NRXN3: variants seen among roughly 807,000 people sequenced by gnomAD.
NRXN3 encodes the protein neurexin III.
A neutral mutation model predicts 137.6 loss-of-function variants in NRXN3; 32 were observed. The observed-to-expected ratio is 0.23, with a 90% CI of 0.18 to 0.31. NRXN3 has a LOEUF of 0.31. NRXN3 is among the 10% of genes least tolerant of loss of function. The pLI, the probability that NRXN3 is intolerant of heterozygous loss-of-function variation, is 1.00. For synonymous variants in NRXN3, 798 were observed against 784.5 expected, an observed-to-expected ratio of 1.02 and a Z score of -0.29; for missense variants, 1,574 against 2,062.5, an observed-to-expected ratio of 0.76 and a Z score of 4.59.
At chr14:79,167,032 AAG>A (rs1202982535) in intron 15 of NRXN3, among the ~76,000 whole-genome samples, 2 of 151,996 alleles carry the variant, frequency 1.3e-5, no homozygotes, top group African/African-American at 4.8e-5. Context: ...GTGAGATACT[AAG>A]AAGTTTGATG....
Position 78,943,569 on chromosome 14 carries a change from A to G in NRXN3, c.2276-13673A>G, listed in dbSNP as rs1365868334. Among the ~76,000 whole-genome samples, 8 of 141,150 alleles carry G rather than the reference A, an allele frequency of 5.7e-5. No individual in the cohort carries two copies. The South Asian group carries it at 1.2e-3, about 21-fold the overall frequency. The allele number at this position is 141,150 out of a possible 152,430, so 92.6% of individuals were successfully genotyped here. Reference sequence around the variant, plus strand: ...TTTAAGGTGCCTAAAGAAAGCTAACAGGAAAAGTCTGAAGGTTGAGAAAAG... The same window carrying G: ...TTTAAGGTGCCTAAAGAAAGCTAACGGGAAAAGTCTGAAGGTTGAGAAAAG... On this transcript the variant is annotated intron_variant, in intron 10 of 20. Transcript: ENST00000335750.
At chr14:78,434,258 C>A (rs2093987412) in intron 4 of NRXN3, among the ~76,000 whole-genome samples, 1 of 152,136 alleles carries the variant, frequency 6.6e-6, no homozygotes, top group East Asian at 1.9e-4. Flanking sequence ...AGTCAGGGAC[C>A]GTCTGTATTG....
At chr14:78,804,093 C>T (rs2098847673) in intron 9 of NRXN3, among the ~76,000 whole-genome samples, 2 of 152,098 alleles carry the variant, frequency 1.3e-5, no homozygotes, top group Non-Finnish European at 2.9e-5. Flanking sequence ...TTTTTGGAAT[C>T]GTTTAGCTTT....
chr14:79,478,205 A>T (rs1199303655), intron 16 of NRXN3, among the ~76,000 whole-genome samples: 1 of 148,212 alleles, frequency 6.7e-6, no homozygotes. Flanking sequence ...TTATACAAAT[A>T]TATATAATGT....
At chr14:79,620,881 T>G (rs2098216746) in intron 16 of NRXN3, among the ~76,000 whole-genome samples, 1 of 151,840 alleles carries the variant, frequency 6.6e-6, no homozygotes, top group African/African-American at 2.4e-5. Flanking sequence ...GATATGTAGA[T>G]AGAGACAAAA....
chr14:78,861,225 T>G (rs570105722), intron 10 of NRXN3, among the ~76,000 whole-genome samples: 1 of 152,286 alleles, frequency 6.6e-6, no homozygotes, highest in Non-Finnish European at 1.5e-5. Context: ...CAGTTTGTGT[T>G]ATATGAAATA....
intron 15 of NRXN3, among the ~76,000 whole-genome samples, chr14:79,380,230 G>A (rs899394791): frequency 1.4e-4 from 21 of 148,534 alleles, no homozygotes; most frequent in African/African-American, 5.2e-4. Context: ...AAGTTTTAGG[G>A]TACATGTGCA....
At chr14:78,538,221 G>A (rs1236444672) in intron 4 of NRXN3, among the ~76,000 whole-genome samples, 2 of 152,204 alleles carry the variant, frequency 1.3e-5, no homozygotes, top group African/African-American at 2.4e-5. Flanking sequence ...CCATTTTCAC[G>A]ATATTGATTC....
intron 4 of NRXN3, among the ~76,000 whole-genome samples, chr14:78,424,892 C>T (rs1333689161): frequency 6.6e-6 from 1 of 152,180 alleles, no homozygotes; most frequent in African/African-American, 2.4e-5. Flanking sequence ...GAAGTGGAAT[C>T]TAGATTTAGA....
chr14:79,831,687 A>T (rs1286797051), intron 20 of NRXN3, among the ~76,000 whole-genome samples: 1 of 152,256 alleles, frequency 6.6e-6, no homozygotes, highest in East Asian at 1.9e-4. Context: ...CTCATGAGAG[A>T]CTAAGAACTG....
intron 15 of NRXN3, among the ~76,000 whole-genome samples, chr14:79,450,289 G>T (rs190016557): frequency 6.6e-6 from 1 of 152,284 alleles, no homozygotes; most frequent in African/African-American, 2.4e-5. Context: ...CAGGTTGGGG[G>T]TTGGAAGGAG....
rs185041978 is a variant in NRXN3, at chr14:79,149,182, G to T, written c.3262+161041G>T. Among the ~76,000 whole-genome samples the T allele has an allele frequency of 3.3e-5, 5 of 152,212 alleles. No individual in the cohort carries two copies. In the East Asian group the frequency reaches 9.7e-4, roughly 30 times the overall value. On this transcript the variant is annotated intron_variant, in intron 15 of 20. Transcript: ENST00000335750. ...AGAACTGGTAGGAAACTCTGTAAGG[G>T]GGAATGTGGGGATGCGAGGGAAGCC...
chr14:78,364,779 CTG>C (rs1434199069), intron 4 of NRXN3, among the ~76,000 whole-genome samples: 1 of 152,166 alleles, frequency 6.6e-6, no homozygotes, highest in Non-Finnish European at 1.5e-5. Context: ...CCCAAAGAAA[CTG>C]TGGGTGGAGG....
At chr14:78,470,920 A>G (rs2095252613) in intron 4 of NRXN3, among the ~76,000 whole-genome samples, 2 of 152,164 alleles carry the variant, frequency 1.3e-5, no homozygotes, top group Non-Finnish European at 2.9e-5. Flanking sequence ...TCCGAAGGTC[A>G]GATAGCTAGT....
intron 15 of NRXN3, among the ~76,000 whole-genome samples, chr14:79,034,328 ATAAT>A (rs1006166615): frequency 3.3e-5 from 4 of 122,554 alleles, no homozygotes; most frequent in Non-Finnish European, 7.0e-5. Flanking sequence ...AATTAGTACT[ATAAT>A]TATGGTTCTT....
chr14:78,419,275 G>A (rs963391349), intron 4 of NRXN3, among the ~76,000 whole-genome samples: 1 of 152,072 alleles, frequency 6.6e-6, no homozygotes, highest in African/African-American at 2.4e-5. Flanking sequence ...GTCTCACTCT[G>A]TCACCCAGGC....
intron 8 of NRXN3, among the ~76,000 whole-genome samples, chr14:78,739,287 C>T (rs755399092): frequency 6.6e-6 from 1 of 152,232 alleles, no homozygotes; most frequent in Non-Finnish European, 1.5e-5. Flanking sequence ...GGAATATAGT[C>T]CATATTTTGC....
chr14:79,716,211 T>C (rs1367107862), intron 19 of NRXN3, among the ~76,000 whole-genome samples: 7 of 152,116 alleles, frequency 4.6e-5, no homozygotes, highest in African/African-American at 1.7e-4. Flanking sequence ...TTAGTGAAAA[T>C]TGGAGACATG....
At chr14:78,689,965 T>A (rs543810103) in intron 6 of NRXN3, among the ~76,000 whole-genome samples, 12 of 152,168 alleles carry the variant, frequency 7.9e-5, no homozygotes, top group African/African-American at 2.9e-4. Flanking sequence ...CAGTTCTTTC[T>A]ATCAGTGTCT....
Sources: allele counts gnomAD v4.1 joint callset (sites outside exome capture counted in the v4.1 genomes callset), GRCh38; gene constraint gnomAD v4.1.1; transcripts MANE v1.5; gene names NCBI Gene and HGNC (gene_info 2026-07-23, HGNC 2026-07-21).